ADAMTS19: variants seen among roughly 807,000 people sequenced by gnomAD.
ADAMTS19 encodes the protein A disintegrin and metalloproteinase with thrombospondin motifs 19.
Under a neutral mutation model 153.3 loss-of-function variants are expected in ADAMTS19, and 93 were observed. That is an observed-to-expected ratio of 0.61 (90% confidence interval 0.51 to 0.72). The LOEUF (loss-of-function observed/expected upper bound fraction) is 0.72, where lower values mean the gene tolerates loss of function less well. Ranked by LOEUF, ADAMTS19 falls within the 30% of genes least tolerant of loss-of-function variation. The probability of loss-of-function intolerance (pLI) is 0.00; values close to 1 mark genes in which losing one functional copy is unlikely to be tolerated. For missense variants in ADAMTS19, 1,482 were observed against 1,552.1 expected (o/e 0.95, Z 0.76); for synonymous variants, 600 against 556.6 (o/e 1.08, Z -1.10).
intron 8 of ADAMTS19, among the ~76,000 whole-genome samples, chr5:129,607,865 T>C (rs1750980796): frequency 6.6e-6 from 1 of 151,170 alleles, no homozygotes; most frequent in South Asian, 2.1e-4. Flanking sequence ...CCTGCCAAGA[T>C]ATGAAAACAA....
chr5:129,706,240 G>A (rs1042685779), intron 21 of ADAMTS19, among the ~76,000 whole-genome samples: 2 of 152,130 alleles, frequency 1.3e-5, no homozygotes, highest in Non-Finnish European at 2.9e-5. Flanking sequence ...GTAAAAAACT[G>A]AGCTATATTT....
chr5:129,490,087 C>A (rs1487140535), intron 2 of ADAMTS19, among the ~76,000 whole-genome samples: 2 of 152,112 alleles, frequency 1.3e-5, no homozygotes, highest in African/African-American at 4.8e-5. Flanking sequence ...ATTTTTCAGG[C>A]AGATCTGAAA....
intron 2 of ADAMTS19, among the ~76,000 whole-genome samples, chr5:129,483,825 C>T (rs992020467): frequency 1.3e-5 from 2 of 152,082 alleles, no homozygotes; most frequent in African/African-American, 4.8e-5. Flanking sequence ...TCATAATATA[C>T]AACTAATTAC....
intron 8 of ADAMTS19, among the ~76,000 whole-genome samples, chr5:129,600,442 A>C (rs1280125294): frequency 2.0e-5 from 3 of 152,176 alleles, no homozygotes; most frequent in Admixed American, 1.3e-4. Flanking sequence ...GAATGATTCC[A>C]TGTAAACTTT....
intron 21 of ADAMTS19, among the ~76,000 whole-genome samples, chr5:129,708,935 A>T (rs1041956939): frequency 6.6e-5 from 10 of 152,148 alleles, no homozygotes; most frequent in African/African-American, 2.4e-4. Context: ...CTGGAAGCAC[A>T]GTAAATCATT....
At chr5:129,591,909 C>A (rs1750151792) in intron 7 of ADAMTS19, among the ~76,000 whole-genome samples, 2 of 152,078 alleles carry the variant, frequency 1.3e-5, no homozygotes, top group African/African-American at 2.4e-5. Flanking sequence ...TTGGAAAAGG[C>A]ATCCTGGAGG....
At chr5:129,492,891 G>A (rs993492905) in intron 2 of ADAMTS19, among the ~76,000 whole-genome samples, 1 of 152,062 alleles carries the variant, frequency 6.6e-6, no homozygotes, top group African/African-American at 2.4e-5. Context: ...TGGATGTTGA[G>A]ATAGTTTCTG....
intron 6 of ADAMTS19, among the ~76,000 whole-genome samples, chr5:129,551,594 T>C (rs1397948943): frequency 6.6e-6 from 1 of 151,674 alleles, no homozygotes; most frequent in African/African-American, 2.4e-5. Context: ...TACTGTAAAA[T>C]TCAAAACAAG....
chr5:129,607,573 T>C (rs536479989), intron 8 of ADAMTS19, among the ~76,000 whole-genome samples: 32 of 152,202 alleles, frequency 2.1e-4, no homozygotes, highest in Non-Finnish European at 4.1e-4. Context: ...TATGATTTTA[T>C]GAGAAAATAT....
At chr5:129,536,578 C>A (rs28856304) in intron 6 of ADAMTS19, among the ~76,000 whole-genome samples, 1 of 152,126 alleles carries the variant, frequency 6.6e-6, no homozygotes, top group Non-Finnish European at 1.5e-5. Context: ...ACCCAAAGGA[C>A]TGTAAATCAT....
chr5:129,701,089 G>A (rs575440435), intron 19 of ADAMTS19, among the ~76,000 whole-genome samples: 12 of 151,280 alleles, frequency 7.9e-5, no homozygotes, highest in Admixed American at 4.0e-4. Flanking sequence ...GGTCTTTCCC[G>A]TGCTGTTCTC....
At chr5:129,735,601 T>A (rs1414304084) in intron 22 of ADAMTS19, among the ~76,000 whole-genome samples, 2 of 152,016 alleles carry the variant, frequency 1.3e-5, no homozygotes, top group African/African-American at 2.4e-5. Context: ...CTATTTTCTT[T>A]TTAAGTTTTG....
intron 2 of ADAMTS19, among the ~76,000 whole-genome samples, chr5:129,504,341 A>C (rs1751199989): frequency 6.6e-6 from 1 of 152,190 alleles, no homozygotes; most frequent in Non-Finnish European, 1.5e-5. Context: ...TTTAGTTATT[A>C]TGATATGCTA....
intron 3 of ADAMTS19, among the ~76,000 whole-genome samples, chr5:129,511,880 G>A (rs1751447284): frequency 6.6e-6 from 1 of 151,998 alleles, no homozygotes; most frequent in African/African-American, 2.4e-5. Context: ...GTGACATTAT[G>A]TATTAAAAGT....
At chr5:129,732,212 C>A (rs1757468781) in intron 21 of ADAMTS19, among the ~76,000 whole-genome samples, 1 of 151,968 alleles carries the variant, frequency 6.6e-6, no homozygotes, top group Non-Finnish European at 1.5e-5. Context: ...TATGACATAC[C>A]CACAGCCAAC....
At chr5:129,586,082 C>A (rs1451836495) in intron 7 of ADAMTS19, among the ~76,000 whole-genome samples, 1 of 151,942 alleles carries the variant, frequency 6.6e-6, no homozygotes, top group Non-Finnish European at 1.5e-5. Flanking sequence ...TCTCTTACAC[C>A]CCCTGTCCAC....
At chr5:129,531,020 T>C (rs1489608308) in intron 6 of ADAMTS19, among the ~76,000 whole-genome samples, 7 of 152,180 alleles carry the variant, frequency 4.6e-5, no homozygotes, top group African/African-American at 9.6e-5. Flanking sequence ...AAGTGAACAA[T>C]TGGAAAAAAA....
intron 10 of ADAMTS19, among the ~76,000 whole-genome samples, chr5:129,627,631 G>T (rs1362810346): frequency 6.6e-6 from 1 of 151,880 alleles, no homozygotes; most frequent in Non-Finnish European, 1.5e-5. Context: ...ATTAAAAAGT[G>T]GGCAAAGAAC....
intron 6 of ADAMTS19, among the ~76,000 whole-genome samples, chr5:129,534,486 C>T (rs371673995): frequency 9.2e-5 from 14 of 152,192 alleles, no homozygotes; most frequent in Admixed American, 7.2e-4. Context: ...CCGAATTCTA[C>T]CAGAGGTACA....
Sources: gnomAD v4.1 joint callset for allele counts (sites outside exome capture counted in the v4.1 genomes callset) on GRCh38, gnomAD v4.1.1 for gene constraint, MANE v1.5 for transcripts, NCBI Gene and HGNC (gene_info 2026-07-23, HGNC 2026-07-21) for gene names.